KIAA1586: variants seen among roughly 807,000 people sequenced by gnomAD.
The protein encoded by KIAA1586 is KIAA1586.
A neutral mutation model predicts 6.1 loss-of-function variants in KIAA1586; 5 were observed. That is an observed-to-expected ratio of 0.82 (90% confidence interval 0.43 to 1.73). The LOEUF (loss-of-function observed/expected upper bound fraction) is 1.73. Ranked by LOEUF, KIAA1586 falls within the 40% of genes most tolerant of loss-of-function variation. The probability of loss-of-function intolerance (pLI) is 0.02; values close to 1 mark genes in which losing one functional copy is unlikely to be tolerated. For missense variants in KIAA1586, 899 were observed against 878.2 expected, an observed-to-expected ratio of 1.02 and a Z score of -0.30; for synonymous variants, 280 against 301.7, an observed-to-expected ratio of 0.93 and a Z score of 0.75.
Position 57,053,389 on chromosome 6 carries a change from A to C in KIAA1586, c.890A>C (p.Lys297Thr), listed in dbSNP as rs754209289. The C allele has an allele frequency of 1.9e-6, 3 of 1,609,070 alleles. No homozygotes were observed. In the South Asian group the frequency reaches 3.3e-5, roughly 18 times the overall value. The change falls in exon 4 of 4, where the codon AAA (lysine) becomes ACA (threonine). Residue 297 changes from lysine to threonine, a missense_variant. Transcript: ENST00000370733. ...ACAAGAATAGCAGAACATATTGCAA[A>C]AGAAATGAAGATGAAGATATTTAAG... is the stretch of plus-strand genomic sequence containing the variant. Reference protein sequence around the residue: ...SATRIAEHIAKEMKMKIFKNI... With the variant: ...SATRIAEHIATEMKMKIFKNI...
chr6:57,058,971 T>C (rs981502614), downstream of KIAA1586, among the ~76,000 whole-genome samples: 1 of 152,182 alleles, frequency 6.6e-6, no homozygotes, highest in African/African-American at 2.4e-5. Flanking sequence ...TCAATTATTT[T>C]GAAAAAGATG....
downstream of KIAA1586, among the ~76,000 whole-genome samples, chr6:57,055,401 T>G (rs1180363423): frequency 1.3e-5 from 2 of 151,964 alleles, no homozygotes; most frequent in African/African-American, 4.8e-5. Context: ...TTACTGTTTT[T>G]CAGTAATACA....
the KIAA1586 span, among the ~76,000 whole-genome samples, chr6:57,064,790 C>A: frequency 2.6e-5 from 4 of 152,172 alleles, no homozygotes; most frequent in Non-Finnish European, 4.4e-5. Context: ...TATCCCTGTT[C>A]TCTCTGGTTC....
chr6:57,048,445 G>A (rs926504310), intron 2 of KIAA1586, among the ~76,000 whole-genome samples: 8 of 152,070 alleles, frequency 5.3e-5, no homozygotes, highest in African/African-American at 1.9e-4. Context: ...TCTTTACCCT[G>A]TCACTTTCTG....
At chr6:57,062,441 G>A in the KIAA1586 span, among the ~76,000 whole-genome samples, 6 of 152,062 alleles carry the variant, frequency 3.9e-5, no homozygotes, top group Non-Finnish European at 7.4e-5. Flanking sequence ...TTATTATCAC[G>A]TGGGGAAACT....
chr6:57,056,940 A>G (rs1156351502), downstream of KIAA1586, among the ~76,000 whole-genome samples: 1 of 151,926 alleles, frequency 6.6e-6, no homozygotes, highest in African/African-American at 2.4e-5. Context: ...TAAAAATTAC[A>G]AGGCCTTGCT....
At chr6:57,066,061 G>A in the KIAA1586 span, among the ~76,000 whole-genome samples, 1 of 151,396 alleles carries the variant, frequency 6.6e-6, no homozygotes, top group Non-Finnish European at 1.5e-5. Flanking sequence ...TGCATCACTT[G>A]AGGTCAGGAG....
Position 57,055,002 on chromosome 6 carries a change from A to C in KIAA1586, c.*139A>C. 6.0e-6 allele frequency: 6 copies of C among 995,132 alleles called. No homozygotes were observed. Among genetic ancestry groups the C allele is most frequent in the Non-Finnish European group, 8.5e-6 (6 of 708,018 alleles). 61.6% of individuals were successfully genotyped at this position (995,132 alleles called of 1,614,324 possible). A position where few individuals can be genotyped will look rare whatever the true frequency, so the allele number is the denominator to read the frequency against. On this transcript the variant is annotated 3_prime_UTR_variant, in exon 4 of 4. Transcript: ENST00000370733. ...TTTAAAAGGCGTTCTTTAAGAAGAT[A>C]ATCTTGAAGATTGGTTTTAGAAGCT...
Position 57,053,801 on chromosome 6 carries a change from AAAAC to A in KIAA1586, c.1306_1309del (p.Gln436LeufsTer4). 2 of 1,528,040 alleles carry A rather than the reference AAAAC, an allele frequency of 1.3e-6. No homozygotes were observed. The highest frequency in any genetic ancestry group is 1.3e-5 in the South Asian group (1 of 79,234). The allele number at this position is 1,528,040 out of a possible 1,614,324, so 94.7% of individuals were successfully genotyped here. A position where few individuals can be genotyped will look rare whatever the true frequency, so the allele number is the denominator to read the frequency against. ...CACTTGATGATTCTATATCCGAAAT[AAAAC>A]AAATTAATCATTTAAAAATATTTAT... On this transcript the variant is annotated frameshift_variant, in exon 4 of 4. Coordinates refer to ENST00000370733, the MANE Select transcript of KIAA1586 (RefSeq NM_020931.4). LOFTEE classifies it low-confidence loss of function (END_TRUNC).
chr6:57,061,968 G>C, the KIAA1586 span, among the ~76,000 whole-genome samples: 1 of 142,478 alleles, frequency 7.0e-6, no homozygotes, highest in Non-Finnish European at 1.5e-5. Flanking sequence ...GTCTCACTCC[G>C]TTGCCCAGGC....
chr6:57,062,832 C>A, the KIAA1586 span, among the ~76,000 whole-genome samples: 1 of 152,138 alleles, frequency 6.6e-6, no homozygotes, highest in African/African-American at 2.4e-5. Flanking sequence ...GGGCGGATTG[C>A]CTGAGCTCAG....
At chr6:57,058,146 GA>G (rs367971494), downstream of KIAA1586, among the ~76,000 whole-genome samples, 260 of 145,518 alleles carry the variant, frequency 1.8e-3, 1 homozygote, top group Non-Finnish European at 3.2e-3. Flanking sequence ...AGCTAGATGA[GA>G]AAAAAAAAAC....
In KIAA1586 at chr6:57,046,727, G is replaced by C. The variant is rs370733187; in HGVS notation, c.-29G>C. 23 of 1,612,476 alleles carry C rather than the reference G, an allele frequency of 1.4e-5. 1 individual carries two copies. The African/African-American group carries it at 2.8e-4, about 20-fold the overall frequency. On this transcript the variant is annotated 5_prime_UTR_variant, in exon 1 of 4. Coordinates refer to ENST00000370733, the MANE Select transcript of KIAA1586 (RefSeq NM_020931.4). ...TGCGGCAGTAGGGACAGCAGGAGCA[G>C]TGGTGCTGTCAGCGCGGCCGTCGGA...
At position 57,055,065 on chromosome 6, in the gene KIAA1586, G is replaced by T. The variant is rs1484005360; in HGVS notation, c.*202G>T. The T allele has an allele frequency of 4.1e-6, 2 of 490,672 alleles. No homozygotes were observed. The highest frequency in any genetic ancestry group is 7.3e-5 in the East Asian group (2 of 27,228). 30.4% of individuals were successfully genotyped at this position (490,672 alleles called of 1,614,324 possible). A position where few individuals can be genotyped will look rare whatever the true frequency, so the allele number is the denominator to read the frequency against. On this transcript the variant is annotated 3_prime_UTR_variant, in exon 4 of 4. Transcript: ENST00000370733. ...AGATTGGCCCATGTTTGCTAGAGTG[G>T]GTCATAATACATATTCCATGAAGTT...
In KIAA1586 at chr6:57,053,760, C is replaced by T; in HGVS notation, c.1261C>T (p.His421Tyr). ...AATCATCATTTGGAACTGTTTAAAT[C>T]ATCGATTACAATTGTCACTTGATGA... Reference protein sequence around the residue: ...PEIIIWNCLNHRLQLSLDDSI... With the variant: ...PEIIIWNCLNYRLQLSLDDSI... Residue 421 changes from histidine (H) to tyrosine (Y), a missense_variant, in exon 4 of 4, where the codon CAT becomes TAT. His to Tyr is a moderately conservative substitution (Grantham distance 83, BLOSUM62 2). Transcript: ENST00000370733. The T allele has an allele frequency of 6.3e-7, 1 of 1,593,864 alleles. No individual in the cohort carries two copies.
the KIAA1586 span, among the ~76,000 whole-genome samples, chr6:57,063,047 T>C: frequency 3.3e-5 from 5 of 151,798 alleles, no homozygotes; most frequent in Admixed American, 3.3e-4. Flanking sequence ...AGAGCAAGAC[T>C]CTGTCTCCAA....
At position 57,052,829 on chromosome 6, in the gene KIAA1586, T is replaced by C; in HGVS notation, c.330T>C (p.Tyr110=). The C allele has an allele frequency of 1.2e-6, 2 of 1,613,706 alleles. 1 individual carries two copies. The highest frequency in any genetic ancestry group is 1.7e-6 in the Non-Finnish European group (2 of 1,179,794). Residue 110 remains tyrosine, a synonymous_variant, in exon 4 of 4, where the codon TAT becomes TAC. Coordinates refer to ENST00000370733, the MANE Select transcript of KIAA1586 (RefSeq NM_020931.4). ...AGGCAAAGGAACCACATTTCGAGTA[T>C]ATTGAACAACCAATCATTGAAGAAA... ...LSKAKEPHFE[Y]IEQPIIEEKP... is the part of the protein sequence containing the mutation.
Position 57,052,941 on chromosome 6 carries a change from C to G in KIAA1586, c.442C>G (p.Gln148Glu), listed in dbSNP as rs780400180. ...AAAACAAGCATTTATGTTTACAGAA[C>G]AATACAAATGGCTTGAAATAAAAGA... ...NEKQAFMFTE[Q>E]YKWLEIKEGK... is the part of the protein sequence containing the mutation. The change falls in exon 4 of 4, where the codon CAA becomes GAA. Residue 148 changes from glutamine to glutamate, a missense_variant. Gln to Glu is a conservative substitution (Grantham distance 29). Transcript: ENST00000370733. The G allele has an allele frequency of 8.1e-6, 13 of 1,613,498 alleles. No homozygotes were observed. Among genetic ancestry groups the G allele is most frequent in the Admixed American group, 1.7e-5 (1 of 59,932 alleles).
intron 3 of KIAA1586, among the ~76,000 whole-genome samples, chr6:57,051,933 C>A (rs1015519926): frequency 2.0e-5 from 3 of 152,112 alleles, no homozygotes; most frequent in Non-Finnish European, 4.4e-5. Context: ...GAGATCGCGC[C>A]ACTGCACTCC....
Sources: allele counts gnomAD v4.1 joint callset (sites outside exome capture counted in the v4.1 genomes callset), GRCh38; gene constraint gnomAD v4.1.1; transcripts MANE v1.5; gene names NCBI Gene and HGNC (gene_info 2026-07-23, HGNC 2026-07-21).